Variants in CNTN5 observed in about 807,000 individuals in gnomAD.
The protein encoded by CNTN5 is contactin-5.
A neutral mutation model predicts 129.1 loss-of-function variants in CNTN5; 77 were observed. The observed-to-expected ratio is 0.60, with a 90% CI of 0.50 to 0.72. The LOEUF is 0.72. CNTN5 is among the 30% of genes least tolerant of loss of function. CNTN5 has a pLI of 0.00. For missense variants in CNTN5, 1,478 were observed against 1,328.8 expected, an observed-to-expected ratio of 1.11 and a Z score of -1.75; for synonymous variants, 509 against 465.6, an observed-to-expected ratio of 1.09 and a Z score of -1.20.
At chr11:99,544,525 T>C (rs1358972717) in intron 2 of CNTN5, among the ~76,000 whole-genome samples, 1 of 152,220 alleles carries the variant, frequency 6.6e-6, no homozygotes, top group Non-Finnish European at 1.5e-5. Flanking sequence ...ATCCAATAGC[T>C]TTCTTTTTGA....
chr11:99,207,107 C>G (rs78696825), intron 1 of CNTN5, among the ~76,000 whole-genome samples: 2 of 151,788 alleles, frequency 1.3e-5, no homozygotes, highest in African/African-American at 4.8e-5. Context: ...ATTTGCTCTT[C>G]GAAAATTTAT....
intron 6 of CNTN5, among the ~76,000 whole-genome samples, chr11:99,861,116 T>A (rs1591325535): frequency 6.6e-6 from 1 of 152,034 alleles, no homozygotes; most frequent in Admixed American, 6.5e-5. Context: ...CCACCAAGCC[T>A]GGCTAATTTT....
At chr11:99,664,159 T>C (rs1236528521) in intron 3 of CNTN5, among the ~76,000 whole-genome samples, 1 of 152,182 alleles carries the variant, frequency 6.6e-6, no homozygotes, top group East Asian at 1.9e-4. Flanking sequence ...TTATATTCTT[T>C]GGATGTGGGA....
intron 4 of CNTN5, among the ~76,000 whole-genome samples, chr11:99,839,746 G>T (rs1335456394): frequency 6.6e-6 from 1 of 152,036 alleles, no homozygotes; most frequent in Non-Finnish European, 1.5e-5. Flanking sequence ...AATGATTAAA[G>T]AGTTGAAACT....
rs1451561357 is a variant in CNTN5 at position 99,380,779 on chromosome 11, AAAAAAAAGAAAAG to A, written c.-71+55302_-71+55314del. ...CTGAAACTCTATCTCAAAAAAAAAA[AAAAAAAAGAAAAG>A]AAAAAAGAAAAGAAAAAGAAACCCA... On this transcript the variant is annotated intron_variant, in intron 2 of 24. Transcript: ENST00000524871. Among the ~76,000 whole-genome samples the A allele has an allele frequency of 2.7e-3, 400 of 148,596 alleles. 3 individuals are homozygous for A. The highest frequency in any genetic ancestry group is 9.0e-3 in the African/African-American group (367 of 40,932).
chr11:99,176,325 C>T (rs1488475999), intron 1 of CNTN5, among the ~76,000 whole-genome samples: 2 of 152,088 alleles, frequency 1.3e-5, no homozygotes, highest in Admixed American at 1.3e-4. Flanking sequence ...TGCTACCTCA[C>T]TTCCTTGACA....
chr11:99,889,325 TGTG>T (rs1565642735), intron 6 of CNTN5, among the ~76,000 whole-genome samples: 1,358 of 113,238 alleles, frequency 0.012, 36 homozygotes, highest in Non-Finnish European at 0.021. Flanking sequence ...TGTGTGTGTG[TGTG>T]TGTGTGTGTG....
At chr11:99,223,521 C>A (rs1189279995) in intron 1 of CNTN5, among the ~76,000 whole-genome samples, 1 of 152,142 alleles carries the variant, frequency 6.6e-6, no homozygotes. Context: ...ATTCACTTAT[C>A]TTTTGTAAAA....
At chr11:100,163,189 T>C (rs1049087138) in intron 13 of CNTN5, among the ~76,000 whole-genome samples, 1 of 151,854 alleles carries the variant, frequency 6.6e-6, no homozygotes, top group Non-Finnish European at 1.5e-5. Context: ...TTAACATTCA[T>C]TTGGAGAATC....
chr11:99,687,270 C>A (rs551904238), intron 3 of CNTN5, among the ~76,000 whole-genome samples: 1 of 152,122 alleles, frequency 6.6e-6, no homozygotes, highest in South Asian at 2.1e-4. Context: ...CCCACAGAGA[C>A]GCTTAATATT....
intron 3 of CNTN5, among the ~76,000 whole-genome samples, chr11:99,739,087 G>T (rs932410376): frequency 3.9e-5 from 6 of 152,126 alleles, no homozygotes; most frequent in African/African-American, 1.4e-4. Context: ...ACCTTGTTCT[G>T]TGTTGCTCAC....
chr11:100,237,151 T>C (rs959748183), intron 16 of CNTN5, among the ~76,000 whole-genome samples: 1 of 138,804 alleles, frequency 7.2e-6, no homozygotes, highest in Non-Finnish European at 1.5e-5. Context: ...ATCACAGCAC[T>C]GCACTCCAGC....
At chr11:99,199,966 A>ATC (rs1859087635) in intron 1 of CNTN5, among the ~76,000 whole-genome samples, 1 of 143,904 alleles carries the variant, frequency 6.9e-6, no homozygotes, top group African/African-American at 2.7e-5. Flanking sequence ...TATATCCATC[A>ATC]ACATCATCAT....
intron 2 of CNTN5, among the ~76,000 whole-genome samples, chr11:99,432,508 C>CTTT (rs1490608972): frequency 0.24 from 19,029 of 79,650 alleles, 1,587 homozygotes; most frequent in Middle Eastern, 0.44. Context: ...TCTTTTCTTT[C>CTTT]TCTCTCTCTG....
chr11:99,814,067 A>G (rs1191417827), intron 3 of CNTN5, among the ~76,000 whole-genome samples: 1 of 152,220 alleles, frequency 6.6e-6, no homozygotes, highest in African/African-American at 2.4e-5. Flanking sequence ...AGTTATGAGA[A>G]CATTCTAACA....
intron 3 of CNTN5, among the ~76,000 whole-genome samples, chr11:99,766,610 T>C (rs2135308997): frequency 6.6e-6 from 1 of 152,212 alleles, no homozygotes; most frequent in South Asian, 2.1e-4. Context: ...CCACACTGTT[T>C]GCCAAACGTC....
intron 3 of CNTN5, among the ~76,000 whole-genome samples, chr11:99,628,346 C>T (rs1041028388): frequency 1.2e-4 from 18 of 152,084 alleles, no homozygotes; most frequent in Admixed American, 7.9e-4. Flanking sequence ...TAGATTGAAA[C>T]ACCACATCTT....
chr11:99,625,104 A>G (rs984658863), intron 3 of CNTN5, among the ~76,000 whole-genome samples: 6 of 152,204 alleles, frequency 3.9e-5, no homozygotes, highest in Non-Finnish European at 7.3e-5. Context: ...ATGAAAGATT[A>G]TCTATTGGTT....
At chr11:99,106,737 T>A (rs535774986) in intron 1 of CNTN5, among the ~76,000 whole-genome samples, 3 of 152,072 alleles carry the variant, frequency 2.0e-5, no homozygotes, top group Non-Finnish European at 1.5e-5. Context: ...GCAACTAATA[T>A]CAGTATTACT....
Sources: gnomAD v4.1 joint callset for allele counts (sites outside exome capture counted in the v4.1 genomes callset) on GRCh38, gnomAD v4.1.1 for gene constraint, MANE v1.5 for transcripts, NCBI Gene and HGNC (gene_info 2026-07-23, HGNC 2026-07-21) for gene names.